Variants in AHCYL1 observed in about 807,000 individuals in gnomAD.
AHCYL1 encodes the protein S-adenosylhomocysteine hydrolase-like protein 1.
Under a neutral mutation model 79.3 loss-of-function variants are expected in AHCYL1, and 20 were observed. That is an observed-to-expected ratio of 0.25 (90% CI 0.18 to 0.37). The LOEUF (loss-of-function observed/expected upper bound fraction) is 0.37, where lower values mean the gene tolerates loss of function less well. Among genes scored for constraint, AHCYL1 ranks in the 10% least tolerant of loss-of-function variants. AHCYL1 has a pLI of 1.00. For missense variants in AHCYL1, 330 were observed against 673.6 expected (o/e 0.49, Z 5.65); for synonymous variants, 223 against 242.2 (o/e 0.92, Z 0.74).
At chr1:109,991,919 C>G (rs1032683612) in intron 1 of AHCYL1, among the ~76,000 whole-genome samples, 4 of 152,300 alleles carry the variant, frequency 2.6e-5, no homozygotes, top group Non-Finnish European at 2.9e-5. Flanking sequence ...CTAGTACTTA[C>G]TAATTGTATT....
At chr1:109,999,953 G>T (rs1218759998) in intron 1 of AHCYL1, among the ~76,000 whole-genome samples, 5 of 152,076 alleles carry the variant, frequency 3.3e-5, no homozygotes. Context: ...CTTGGAAAGG[G>T]TGCTTTTTGA....
chr1:110,022,027 T>C lies in AHCYL1; in HGVS notation c.*347T>C, dbSNP rs1447496599. The C allele has an allele frequency of 4.4e-6, 1 of 228,644 alleles. No individual in the cohort carries two copies. Among genetic ancestry groups the C allele is most frequent in the Admixed American group, 5.8e-5 (1 of 17,256 alleles). The allele number at this position is 228,644 out of a possible 1,614,324, so 14.2% of individuals were successfully genotyped here. ...AAGGTACCTTCTCTGTGGAACAATC[T>C]GCAATGTCTAAATCGCCTTAAAAGA... On this transcript the variant is annotated 3_prime_UTR_variant, in exon 17 of 17. Coordinates refer to ENST00000369799, the MANE Select transcript of AHCYL1 (RefSeq NM_006621.7).
At chr1:110,018,048 A>C (rs1260577599) in intron 11 of AHCYL1, 32 bp downstream of exon 11, 1 of 1,610,942 alleles carries the variant, frequency 6.2e-7, no homozygotes, top group Non-Finnish European at 8.5e-7. Flanking sequence ...GTGTTTATTC[A>C]GAGGCTAAAT....
In AHCYL1 at chr1:110,021,773, T is replaced by C. The variant is rs926485086; in HGVS notation, c.*93T>C. 1.5e-6 allele frequency: 2 copies of C among 1,370,128 alleles called. No homozygotes were observed. The highest frequency in any genetic ancestry group is 3.0e-5 in the African/African-American group (2 of 67,398). 84.9% of individuals were successfully genotyped at this position (1,370,128 alleles called of 1,614,324 possible). On this transcript the variant is annotated 3_prime_UTR_variant, in exon 17 of 17. Coordinates refer to ENST00000369799, the MANE Select transcript of AHCYL1 (RefSeq NM_006621.7). ...TTTTATTTTCTTCTTACTCCTTTCC[T>C]CTTGATTTTTTTCCTATAATTTCAT...
chr1:110,023,672 T>C lies in AHCYL1; in HGVS notation c.*1992T>C, dbSNP rs1243073443. 6.6e-6 allele frequency: 1 copy of C among 152,654 alleles called. No homozygotes were observed. The highest frequency in any genetic ancestry group is 1.5e-5 in the Non-Finnish European group (1 of 68,048). The allele number at this position is 152,654 out of a possible 1,614,324, so 9.5% of individuals were successfully genotyped here. Reference sequence around the variant, plus strand: ...AAGTTCATTTTGTATTGAATGATTTTTAATGAATGCAATATTAATCCTTGC... The same window carrying C: ...AAGTTCATTTTGTATTGAATGATTTCTAATGAATGCAATATTAATCCTTGC... On this transcript the variant is annotated 3_prime_UTR_variant, in exon 17 of 17. Coordinates refer to ENST00000369799, the MANE Select transcript of AHCYL1 (RefSeq NM_006621.7).
chr1:110,005,490 CT>C (rs1202670037), intron 1 of AHCYL1, among the ~76,000 whole-genome samples: 2 of 152,182 alleles, frequency 1.3e-5, no homozygotes, highest in Non-Finnish European at 2.9e-5. Flanking sequence ...ACCGTGTTTC[CT>C]TGCATAGAAC....
rs1651602971 is a variant in AHCYL1 at position 110,018,836 on chromosome 1, C to G, written c.1317+186C>G. On this transcript the variant is annotated intron_variant, in intron 13 of 16. Coordinates refer to ENST00000369799, the MANE Select transcript of AHCYL1 (RefSeq NM_006621.7). ...AAAAAATCTACTTTTTACTAAGTAA[C>G]ACTATTTCCTAACCACAGCTGATTC... 3 of 728,224 alleles carry G rather than the reference C, an allele frequency of 4.1e-6. No individual in the cohort carries two copies. In the African/African-American group the frequency reaches 5.3e-5, roughly 13 times the overall value. 45.1% of individuals were successfully genotyped at this position (728,224 alleles called of 1,614,324 possible).
chr1:109,999,438 C>A (rs983241597), intron 1 of AHCYL1, among the ~76,000 whole-genome samples: 7 of 152,214 alleles, frequency 4.6e-5, no homozygotes, highest in Admixed American at 3.3e-4. Flanking sequence ...TTCCTCATTT[C>A]TTCCACCTTC....
rs762470533 is a variant in AHCYL1, at chr1:110,012,908, G to A, written c.489G>A (p.Glu163=). The change falls in exon 5 of 17, where the codon GAG becomes GAA. Residue 163 remains glutamate (E), a synonymous_variant. Coordinates refer to ENST00000369799, the MANE Select transcript of AHCYL1 (RefSeq NM_006621.7). ...HITAQTAVLI[E]TLCALGAQCR... is the part of the protein sequence containing the mutation. The stretch of plus-strand genomic sequence containing the variant: ...ACACTTCTACACAGGTGTTGATTGA[G>A]ACACTCTGTGCCCTGGGGGCTCAGT... The A allele has an allele frequency of 1.2e-6, 2 of 1,611,142 alleles. No individual in the cohort carries two copies. The highest frequency in any genetic ancestry group is 2.2e-5 in the South Asian group (2 of 90,594).
chr1:110,008,019 T>G lies in AHCYL1; in HGVS notation c.121-1015T>G, dbSNP rs58135221. Among the ~76,000 whole-genome samples the G allele has an allele frequency of 9.7e-4, 119 of 123,296 alleles. 1 individual carries two copies. Among genetic ancestry groups the G allele is most frequent in the African/African-American group, 3.0e-3 (100 of 33,378 alleles). 80.9% of individuals were successfully genotyped at this position (123,296 alleles called of 152,430 possible). On this transcript the variant is annotated intron_variant, in intron 1 of 16. Coordinates refer to ENST00000369799, the MANE Select transcript of AHCYL1 (RefSeq NM_006621.7). Reference sequence around the variant, plus strand: ...ATTTCATTTAAGGAAGTTTTTTTTTTGGGTTTTTTTTTTTTTTTTTTGAGA... The same window carrying G: ...ATTTCATTTAAGGAAGTTTTTTTTTGGGGTTTTTTTTTTTTTTTTTTGAGA...
At chr1:110,003,966 G>A (rs1650481500) in intron 1 of AHCYL1, 2 of 985,256 alleles carry the variant, frequency 2.0e-6, no homozygotes, top group Non-Finnish European at 2.4e-6. Context: ...AGGAAGAGAG[G>A]GGAGTAGCTC....
chr1:109,997,391 G>A (rs143286418), intron 1 of AHCYL1, among the ~76,000 whole-genome samples: 256 of 152,278 alleles, frequency 1.7e-3, no homozygotes, highest in Non-Finnish European at 2.8e-3. Flanking sequence ...AAGGAGGGCA[G>A]AACTCAGACA....
chr1:109,988,022 T>C (rs776783492), intron 1 of AHCYL1, among the ~76,000 whole-genome samples: 1 of 152,162 alleles, frequency 6.6e-6, no homozygotes, highest in Non-Finnish European at 1.5e-5. Context: ...ACAGAACATA[T>C]ATGTGATATA....
chr1:110,017,468 C>A (rs771883489), intron 9 of AHCYL1, 27 bp from the exon 10 acceptor site: 11 of 1,609,940 alleles, frequency 6.8e-6, no homozygotes, highest in South Asian at 1.1e-5. Flanking sequence ...ATGAACCTAA[C>A]GACTTGACCT....
chr1:110,012,850 G>T, intron 4 of AHCYL1, 47 bp from the exon 5 acceptor site: 4 of 1,466,962 alleles, frequency 2.7e-6, no homozygotes, highest in Non-Finnish European at 3.8e-6. Flanking sequence ...CTCCATTCCT[G>T]GGTGGCCCTT....
At chr1:109,992,126 A>C (rs1395503649) in intron 1 of AHCYL1, among the ~76,000 whole-genome samples, 1 of 152,084 alleles carries the variant, frequency 6.6e-6, no homozygotes, top group East Asian at 1.9e-4. Flanking sequence ...TTAATAGGAC[A>C]GGCTGGGCCC....
chr1:109,999,224 A>G (rs1650177819), intron 1 of AHCYL1, among the ~76,000 whole-genome samples: 2 of 152,242 alleles, frequency 1.3e-5, no homozygotes, highest in African/African-American at 4.8e-5. Flanking sequence ...AATTATTACC[A>G]CAGTCAAGCT....
intron 2 of AHCYL1, among the ~76,000 whole-genome samples, chr1:110,009,611 G>A (rs780646307): frequency 4.6e-5 from 7 of 152,158 alleles, no homozygotes; most frequent in Admixed American, 1.3e-4. Flanking sequence ...TATTTATTAG[G>A]TTATTCTTTC....
At chr1:109,999,647 G>A (rs1245669512) in intron 1 of AHCYL1, among the ~76,000 whole-genome samples, 5 of 151,266 alleles carry the variant, frequency 3.3e-5, no homozygotes, top group African/African-American at 1.2e-4. Flanking sequence ...AAGAACTTTT[G>A]TTAGTTGTAG....
Sources: allele counts gnomAD v4.1 joint callset (sites outside exome capture counted in the v4.1 genomes callset), GRCh38; gene constraint gnomAD v4.1.1; transcripts MANE v1.5; gene names NCBI Gene and HGNC (gene_info 2026-07-23, HGNC 2026-07-21).